EYS: variants seen among roughly 807,000 people sequenced by gnomAD.
EYS encodes the protein EGF-like photoreceptor maintenance factor, also known as protein eyes shut homolog.
In EYS, 250 loss-of-function variants were observed where a neutral mutation model predicts 282.1. The ratio of observed to expected loss-of-function variants is 0.89; its 90% CI spans 0.80 to 0.98. The LOEUF is 0.98. Among genes scored for constraint, EYS ranks in the 50% least tolerant of loss-of-function variants. The pLI is 0.00. For synonymous variants in EYS, 1,355 were observed against 1,282.9 expected, an observed-to-expected ratio of 1.06 and a Z score of -1.20; for missense variants, 4,016 against 3,709.0, an observed-to-expected ratio of 1.08 and a Z score of -2.15.
intron 21 of EYS, among the ~76,000 whole-genome samples, chr6:64,820,882 G>C (rs1764878069): frequency 6.6e-6 from 1 of 152,020 alleles, no homozygotes; most frequent in Non-Finnish European, 1.5e-5. Context: ...GTCAGAACTA[G>C]TATAGCTATG....
intron 32 of EYS, among the ~76,000 whole-genome samples, chr6:64,076,499 G>T (rs1011702541): frequency 2.0e-5 from 3 of 151,882 alleles, no homozygotes; most frequent in Non-Finnish European, 2.9e-5. Flanking sequence ...TTTTGGGAGG[G>T]ACCCGGTGGG....
chr6:65,670,598 C>G (rs903525103), intron 1 of EYS, among the ~76,000 whole-genome samples: 4 of 151,910 alleles, frequency 2.6e-5, no homozygotes, highest in African/African-American at 9.7e-5. Context: ...TTATTACATG[C>G]CAGATACTGA....
intron 19 of EYS, among the ~76,000 whole-genome samples, chr6:64,882,910 A>T (rs1766966662): frequency 6.6e-6 from 1 of 151,518 alleles, no homozygotes; most frequent in South Asian, 2.1e-4. Flanking sequence ...ACAAAACTAT[A>T]AGTTCAGTGG....
chr6:65,362,526 C>T (rs1486197729), intron 8 of EYS, among the ~76,000 whole-genome samples: 2 of 149,756 alleles, frequency 1.3e-5, no homozygotes, highest in African/African-American at 4.9e-5. Flanking sequence ...CATGCATATA[C>T]ATTACATATA....
Position 65,405,242 on chromosome 6 carries a change from C to G in EYS, c.988G>C (p.Glu330Gln). The G allele has an allele frequency of 6.2e-7, 1 of 1,613,310 alleles. No homozygotes were observed. Among genetic ancestry groups the G allele is most frequent in the Non-Finnish European group, 8.5e-7 (1 of 1,179,530 alleles). Residue 330 changes from glutamate (E) to glutamine (Q), a missense_variant, in exon 6 of 43, where the codon GAA (glutamate) becomes CAA (glutamine). Physicochemically the swap from Glu to Gln is conservative, Grantham distance 29. Coordinates refer to ENST00000503581, the MANE Select transcript of EYS (RefSeq NM_001142800.2). The part of the protein sequence containing the change: ...CPKGSSSQNG[E>Q]TDVSEFSLVP... ...AATGAAAACTCACTGACATCAGTTT[C>G]ACCATTTTGGCTGGAAGATCCTTTT...
At chr6:65,611,672 TTGCGATTTA>T (rs1766007359) in intron 2 of EYS, among the ~76,000 whole-genome samples, 1 of 152,138 alleles carries the variant, frequency 6.6e-6, no homozygotes, top group African/African-American at 2.4e-5. Flanking sequence ...AGTATGGCAT[TTGCGATTTA>T]TCGCAAGATT....
At chr6:64,459,382 C>T (rs1775666992) in intron 26 of EYS, among the ~76,000 whole-genome samples, 2 of 152,030 alleles carry the variant, frequency 1.3e-5, no homozygotes, top group South Asian at 4.1e-4. Flanking sequence ...TTTCTTAAAC[C>T]TTTCATCTCT....
At chr6:64,813,994 C>T (rs1764676534) in intron 21 of EYS, among the ~76,000 whole-genome samples, 1 of 152,088 alleles carries the variant, frequency 6.6e-6, no homozygotes, top group East Asian at 1.9e-4. Flanking sequence ...AATAGTACTT[C>T]CATTAAATTT....
intron 12 of EYS, among the ~76,000 whole-genome samples, chr6:65,276,986 A>G (rs1768065263): frequency 6.6e-6 from 1 of 152,212 alleles, no homozygotes; most frequent in African/African-American, 2.4e-5. Context: ...TTAATTTTAC[A>G]TCATGACAAC....
At chr6:65,031,740 A>G (rs1466367555) in intron 13 of EYS, among the ~76,000 whole-genome samples, 1 of 152,132 alleles carries the variant, frequency 6.6e-6, no homozygotes, top group Non-Finnish European at 1.5e-5. Context: ...TTGTGTTAAA[A>G]GCAAAGTTTA....
At chr6:64,593,687 T>A (rs1331144049) in intron 24 of EYS, among the ~76,000 whole-genome samples, 2 of 152,192 alleles carry the variant, frequency 1.3e-5, no homozygotes, top group Non-Finnish European at 2.9e-5. Context: ...AAAGTCAAAT[T>A]TAGTTGGAAG....
chr6:63,778,168 G>C lies in EYS; in HGVS notation c.7736C>G (p.Thr2579Ser). The change falls in exon 40 of 43, where the codon ACT (threonine) becomes AGT (serine). Residue 2579 changes from threonine (T) to serine (S), a missense_variant. Coordinates refer to ENST00000503581, the MANE Select transcript of EYS (RefSeq NM_001142800.2). The part of the protein sequence containing the change: ...FKNGFQGCIF[T>S]LQVRTEKDGH... The stretch of plus-strand genomic sequence containing the variant: ...ATCCTTCTCAGTGCGAACTTGAAGA[G>C]TGAAAATACAGCCTTGAAGAAATGC... 1 of 1,551,814 alleles carries C rather than the reference G, an allele frequency of 6.4e-7. No individual in the cohort carries two copies. Among genetic ancestry groups the C allele is most frequent in the African/African-American group, 1.4e-5 (1 of 73,170 alleles).
intron 1 of EYS, among the ~76,000 whole-genome samples, chr6:65,652,801 C>T (rs191335263): frequency 1.3e-5 from 2 of 152,034 alleles, no homozygotes; most frequent in East Asian, 3.9e-4. Flanking sequence ...TCAACATGAG[C>T]TTAGTTTAAT....
At chr6:64,264,533 T>C (rs1487142156) in intron 30 of EYS, among the ~76,000 whole-genome samples, 1 of 152,094 alleles carries the variant, frequency 6.6e-6, no homozygotes, top group Non-Finnish European at 1.5e-5. Context: ...AGTGGCACCA[T>C]GTCATTTCTG....
intron 19 of EYS, among the ~76,000 whole-genome samples, chr6:64,846,715 A>G (rs1765727061): frequency 6.6e-6 from 1 of 152,162 alleles, no homozygotes; most frequent in Admixed American, 6.6e-5. Flanking sequence ...CATTGATTTT[A>G]ATATTAAGGT....
At chr6:64,759,749 G>A (rs1241883898) in intron 22 of EYS, among the ~76,000 whole-genome samples, 2 of 152,062 alleles carry the variant, frequency 1.3e-5, no homozygotes, top group Admixed American at 6.6e-5. Flanking sequence ...GAACAATCAA[G>A]AGAAAATATT....
intron 22 of EYS, among the ~76,000 whole-genome samples, chr6:64,657,923 TCTC>T (rs1768815055): frequency 6.6e-6 from 1 of 152,202 alleles, no homozygotes; most frequent in African/African-American, 2.4e-5. Context: ...TTGGGGAAGT[TCTC>T]CTGGATAATA....
intron 22 of EYS, among the ~76,000 whole-genome samples, chr6:64,686,547 C>G (rs1770109201): frequency 6.6e-6 from 1 of 150,508 alleles, no homozygotes; most frequent in Non-Finnish European, 1.5e-5. Context: ...CGAGACCATC[C>G]TGGTTAATGC....
At chr6:64,320,311 G>T (rs1770165866) in intron 29 of EYS, among the ~76,000 whole-genome samples, 1 of 151,698 alleles carries the variant, frequency 6.6e-6, no homozygotes, top group African/African-American at 2.4e-5. Flanking sequence ...TGGAACTCCA[G>T]TTACTTGAAA....
Sources: gnomAD v4.1 joint callset for allele counts (sites outside exome capture counted in the v4.1 genomes callset) on GRCh38, gnomAD v4.1.1 for gene constraint, MANE v1.5 for transcripts, NCBI Gene and HGNC (gene_info 2026-07-23, HGNC 2026-07-21) for gene names.